The following FOXO3 variants were observed in gnomAD, a reference collection of about 807,000 sequenced individuals.
FOXO3 encodes forkhead box O3.
Under a neutral mutation model 41.9 loss-of-function variants are expected in FOXO3, and 4 were observed. The ratio of observed to expected loss-of-function variants is 0.10; its 90% CI spans 0.05 to 0.22. FOXO3 has a LOEUF of 0.22. FOXO3 is among the 10% of genes least tolerant of loss of function. The pLI, the probability that FOXO3 is intolerant of heterozygous loss-of-function variation, is 1.00. For synonymous variants in FOXO3, 318 were observed against 389.3 expected (o/e 0.82, Z 2.16); for missense variants, 534 against 906.8 (o/e 0.59, Z 5.28).
chr6:108,606,167 A>G (rs1015441411), intron 1 of FOXO3, among the ~76,000 whole-genome samples: 8 of 152,234 alleles, frequency 5.3e-5, no homozygotes, highest in Non-Finnish European at 1.2e-4. Flanking sequence ...TCTGTACAGT[A>G]TGCTGGGAGA....
At chr6:108,614,851 C>T (rs1029168096) in intron 1 of FOXO3, among the ~76,000 whole-genome samples, 1 of 151,690 alleles carries the variant, frequency 6.6e-6, no homozygotes, top group African/African-American at 2.4e-5. Context: ...TCCCCCTTTT[C>T]TTGCCTTCTC....
chr6:108,583,804 C>T (rs533817216), intron 1 of FOXO3, among the ~76,000 whole-genome samples: 39 of 152,320 alleles, frequency 2.6e-4, no homozygotes, highest in Admixed American at 2.0e-3. Context: ...ATTGAAAGGT[C>T]TGTGGCAAAT....
chr6:108,577,789 G>A (rs533113110), intron 1 of FOXO3, among the ~76,000 whole-genome samples: 17 of 152,338 alleles, frequency 1.1e-4, no homozygotes, highest in Admixed American at 5.9e-4. Context: ...AGCTCCACAT[G>A]ACAAGGAGTG....
intron 1 of FOXO3, among the ~76,000 whole-genome samples, chr6:108,629,514 A>G (rs1290804602): frequency 1.3e-5 from 2 of 152,184 alleles, no homozygotes; most frequent in African/African-American, 2.4e-5. Context: ...ACTATGTTGA[A>G]CTTTTTTGGA....
At chr6:108,628,088 T>C (rs2128375026) in intron 1 of FOXO3, among the ~76,000 whole-genome samples, 1 of 152,182 alleles carries the variant, frequency 6.6e-6, no homozygotes, top group South Asian at 2.1e-4. Context: ...AGTGAAGTAA[T>C]GTTGGTAAAA....
In FOXO3 at chr6:108,561,660, C is replaced by T. The variant is rs1400148250; in HGVS notation, c.452C>T (p.Ser151Leu). ...GGCTCCGGGCAGCCGAGGAAATGTT[C>T]GTCGCGGCGGAACGCCTGGGGAAAC... ...AGGSGQPRKC[S>L]SRRNAWGNLS... Residue 151 changes from serine to leucine, a missense_variant, in exon 1 of 3, where the codon TCG (serine) becomes TTG (leucine). By Grantham distance (145) the Ser-to-Leu change is moderately radical. Coordinates refer to ENST00000406360, the MANE Select transcript of FOXO3 (RefSeq NM_001455.4). 3.8e-6 allele frequency: 6 copies of T among 1,599,030 alleles called. No individual in the cohort carries two copies. Among genetic ancestry groups the T allele is most frequent in the Admixed American group, 1.7e-5 (1 of 58,004 alleles).
At chr6:108,623,805 G>T (rs1187029544) in intron 1 of FOXO3, among the ~76,000 whole-genome samples, 3 of 152,142 alleles carry the variant, frequency 2.0e-5, no homozygotes, top group African/African-American at 7.2e-5. Context: ...CTCTTATAAT[G>T]CTAACTGCTC....
chr6:108,663,873 T>A lies in FOXO3; in HGVS notation c.1040T>A (p.Leu347His). ...QDDDAPLSPM[L>H]YSSSASLSPS... The stretch of plus-strand genomic sequence containing the variant: ...GATGATGCGCCTCTCTCGCCCATGC[T>A]CTACAGCAGCTCAGCCAGCCTGTCA... Residue 347 changes from leucine (L) to histidine (H), a missense_variant, in exon 2 of 3, where the codon CTC becomes CAC. This residue lies in a region of FOXO3 where 185 missense variants were observed against 224.9 expected (regional missense o/e 0.82). Transcript: ENST00000406360. 1 of 1,614,148 alleles carries A rather than the reference T, an allele frequency of 6.2e-7. No individual in the cohort carries two copies.
At chr6:108,645,925 T>A (rs1465587264) in intron 1 of FOXO3, among the ~76,000 whole-genome samples, 1 of 152,218 alleles carries the variant, frequency 6.6e-6, no homozygotes, top group Non-Finnish European at 1.5e-5. Context: ...TAAAATTAAT[T>A]CCTAAAAATA....
rs527502009 is a variant in FOXO3, at chr6:108,679,061, C to CG, written c.*35-762dup. 3.6e-4 allele frequency among the ~76,000 whole-genome samples: 55 copies of CG among 151,594 alleles called. No homozygotes were observed. In the South Asian group the frequency reaches 0.011, roughly 31 times the overall value. ...TAATTTTTTGTATTTTTAGTAGAGA[C>CG]GGGGTTTCACCATGTTAGCCAGGAT... On this transcript the variant is annotated intron_variant, in intron 2 of 2. Coordinates refer to ENST00000406360, the MANE Select transcript of FOXO3 (RefSeq NM_001455.4).
intron 1 of FOXO3, among the ~76,000 whole-genome samples, chr6:108,640,061 G>C (rs912577508): frequency 7.2e-5 from 11 of 152,192 alleles, no homozygotes. Context: ...CCTGCTCCCA[G>C]ATGCAGAGGA....
intron 2 of FOXO3, among the ~76,000 whole-genome samples, chr6:108,677,096 A>G (rs988836394): frequency 1.3e-5 from 2 of 152,210 alleles, no homozygotes; most frequent in African/African-American, 2.4e-5. Context: ...AATTCAGCCT[A>G]TAAGCACCAA....
At chr6:108,639,033 G>A (rs1778187859) in intron 1 of FOXO3, among the ~76,000 whole-genome samples, 1 of 152,154 alleles carries the variant, frequency 6.6e-6, no homozygotes, top group East Asian at 1.9e-4. Flanking sequence ...GGGAGGCTGG[G>A]CTCCCTCTGG....
chr6:108,637,400 A>G (rs1778147351), intron 1 of FOXO3, among the ~76,000 whole-genome samples: 6 of 152,120 alleles, frequency 3.9e-5, no homozygotes, highest in Admixed American at 3.9e-4. Context: ...ACCTTATTAC[A>G]GCTAAGTGTC....
intron 1 of FOXO3, among the ~76,000 whole-genome samples, chr6:108,646,993 G>C (rs962479954): frequency 4.1e-4 from 63 of 152,130 alleles, no homozygotes; most frequent in African/African-American, 1.5e-3. Context: ...AATAACAATT[G>C]TAATAATCAT....
At chr6:108,587,630 T>C (rs906283292) in intron 1 of FOXO3, among the ~76,000 whole-genome samples, 10 of 152,204 alleles carry the variant, frequency 6.6e-5, no homozygotes, top group Non-Finnish European at 1.3e-4. Context: ...CTCCCCTTCG[T>C]TTTAGACCAG....
chr6:108,598,608 G>GGTCT (rs1409759277), intron 1 of FOXO3, among the ~76,000 whole-genome samples: 1 of 152,066 alleles, frequency 6.6e-6, no homozygotes, highest in African/African-American at 2.4e-5. Context: ...AATTTTAAAA[G>GGTCT]GTCTGGGGCT....
At chr6:108,621,545 T>C (rs1315785741) in intron 1 of FOXO3, among the ~76,000 whole-genome samples, 1 of 152,110 alleles carries the variant, frequency 6.6e-6, no homozygotes, top group Admixed American at 6.5e-5. Flanking sequence ...GTTAGTGTTT[T>C]TTTTTGTTTT....
intron 1 of FOXO3, among the ~76,000 whole-genome samples, chr6:108,658,396 T>C (rs1396288062): frequency 6.6e-6 from 1 of 152,160 alleles, no homozygotes; most frequent in East Asian, 1.9e-4. Flanking sequence ...TTTCTGTAGG[T>C]AATAGGCTCC....
Sources: gnomAD v4.1 joint callset for allele counts (sites outside exome capture counted in the v4.1 genomes callset) on GRCh38, gnomAD v4.1.1 for gene constraint, gnomAD v4.1.1 regional missense constraint, MANE v1.5 for transcripts, NCBI Gene and HGNC (gene_info 2026-07-23, HGNC 2026-07-21) for gene names.